CHN1: variants seen among roughly 807,000 people sequenced by gnomAD.
CHN1 encodes chimerin 1.
A neutral mutation model predicts 59.5 loss-of-function variants in CHN1; 37 were observed. The ratio of observed to expected loss-of-function variants is 0.62; its 90% CI spans 0.48 to 0.82. The LOEUF (loss-of-function observed/expected upper bound fraction) is 0.82. CHN1 is among the 40% of genes least tolerant of loss of function. The probability of loss-of-function intolerance (pLI) is 0.00; values close to 1 mark genes in which losing one functional copy is unlikely to be tolerated. For synonymous variants in CHN1, 206 were observed against 200.4 expected (o/e 1.03, Z -0.24); for missense variants, 469 against 571.0 (o/e 0.82, Z 1.82).
At chr2:174,892,786 C>T (rs973399049) in intron 5 of CHN1, among the ~76,000 whole-genome samples, 6 of 152,040 alleles carry the variant, frequency 3.9e-5, no homozygotes, top group African/African-American at 9.7e-5. Context: ...AAATTTACCC[C>T]GGGGATGCAA....
intron 9 of CHN1, chr2:174,812,030 A>T (rs1685094039): frequency 3.1e-6 from 1 of 319,544 alleles, no homozygotes; most frequent in Non-Finnish European, 5.6e-6. Flanking sequence ...TGAAAAATGA[A>T]TTTGTCTTTA....
Position 174,896,080 on chromosome 2 carries a change from G to A in CHN1, c.261-17952C>T, listed in dbSNP as rs545332659. Among the ~76,000 whole-genome samples the A allele has an allele frequency of 2.6e-5, 4 of 151,406 alleles. No individual in the cohort carries two copies. The East Asian group carries it at 7.7e-4, about 29-fold the overall frequency. On this transcript the variant is annotated intron_variant, in intron 5 of 12. Transcript: ENST00000409900. Reference sequence around the variant, plus strand: ...GGGCTTCAATTTTTTTAAATTATAGGAGTTGGAAAATGAGAAGTCACAAAG... The same window carrying A: ...GGGCTTCAATTTTTTTAAATTATAGAAGTTGGAAAATGAGAAGTCACAAAG...
At chr2:174,967,106 A>AG (rs1258756859) in intron 1 of CHN1, among the ~76,000 whole-genome samples, 1 of 152,108 alleles carries the variant, frequency 6.6e-6, no homozygotes, top group Non-Finnish European at 1.5e-5. Context: ...GCACTTTGGG[A>AG]GGCTGAGGCA....
At chr2:174,941,030 A>T (rs1392124364) in intron 3 of CHN1, among the ~76,000 whole-genome samples, 2 of 152,094 alleles carry the variant, frequency 1.3e-5, no homozygotes, top group Non-Finnish European at 2.9e-5. Flanking sequence ...AGTTTTTTTT[A>T]ATTTTAAAGT....
intron 11 of CHN1, among the ~76,000 whole-genome samples, chr2:174,805,293 G>GA (rs1448977582): frequency 6.6e-6 from 1 of 152,214 alleles, no homozygotes; most frequent in Non-Finnish European, 1.5e-5. Flanking sequence ...ATTTCAAAAA[G>GA]AATGTTTTAT....
intron 4 of CHN1, among the ~76,000 whole-genome samples, chr2:174,917,590 A>T (rs1230170057): frequency 6.6e-6 from 1 of 152,150 alleles, no homozygotes; most frequent in African/African-American, 2.4e-5. Flanking sequence ...GAGATGTTTC[A>T]TATGATATGG....
intron 8 of CHN1, among the ~76,000 whole-genome samples, chr2:174,814,667 ATGT>A (rs1041445670): frequency 6.6e-5 from 10 of 152,190 alleles, no homozygotes; most frequent in Admixed American, 2.0e-4. Flanking sequence ...CACCATGACT[ATGT>A]TGTTGTTATT....
chr2:174,845,212 A>G (rs984577394), intron 7 of CHN1, among the ~76,000 whole-genome samples: 1 of 152,196 alleles, frequency 6.6e-6, no homozygotes, highest in Non-Finnish European at 1.5e-5. Context: ...TAGCACTCAA[A>G]TGGCATTCTT....
At chr2:174,962,052 C>G (rs1201260479) in intron 1 of CHN1, among the ~76,000 whole-genome samples, 2 of 151,934 alleles carry the variant, frequency 1.3e-5, no homozygotes, top group African/African-American at 4.8e-5. Context: ...TTTGTTAGGC[C>G]GAGGCAGACA....
chr2:174,985,088 A>T (rs369768743), intron 1 of CHN1, among the ~76,000 whole-genome samples: 13 of 152,308 alleles, frequency 8.5e-5, no homozygotes, highest in Non-Finnish European at 1.8e-4. Context: ...TTTTATGATG[A>T]GGCTGAGAAA....
intron 5 of CHN1, among the ~76,000 whole-genome samples, chr2:174,908,712 T>G (rs148734858): frequency 6.6e-6 from 1 of 152,188 alleles, no homozygotes; most frequent in Non-Finnish European, 1.5e-5. Flanking sequence ...TCTGGCACGA[T>G]ATAGAAGCTC....
chr2:174,822,713 C>T lies in CHN1; in HGVS notation c.712+1721G>A, dbSNP rs1298035912. Reference sequence around the variant, plus strand: ...TTTGTGAAACTGCAATGCACACTGCCTCAATACCTCCACTTTATCAACACT... The same window carrying T: ...TTTGTGAAACTGCAATGCACACTGCTTCAATACCTCCACTTTATCAACACT... On this transcript the variant is annotated intron_variant, in intron 8 of 12. Transcript: ENST00000409900. 4.6e-5 allele frequency among the ~76,000 whole-genome samples: 7 copies of T among 152,298 alleles called. No homozygotes were observed. In the South Asian group the frequency reaches 1.4e-3, roughly 32 times the overall value.
chr2:174,872,237 T>C (rs1394292694), intron 6 of CHN1, among the ~76,000 whole-genome samples: 1 of 152,180 alleles, frequency 6.6e-6, no homozygotes, highest in African/African-American at 2.4e-5. Context: ...TGAGCCATGT[T>C]TGCATCAATG....
rs549311747 is a variant in CHN1 at position 174,927,918 on chromosome 2, T to C, written c.115-9353A>G. ...TGACTACACTGGCAAAATAGTACTT[T>C]TTTTTCAGGTAACAGTCTAGAGAAT... is the stretch of plus-strand genomic sequence containing the variant. On this transcript the variant is annotated intron_variant, in intron 3 of 12. Coordinates refer to ENST00000409900, the MANE Select transcript of CHN1 (RefSeq NM_001822.7). Among the ~76,000 whole-genome samples, 10 of 152,296 alleles carry C rather than the reference T, an allele frequency of 6.6e-5. 1 individual carries two copies. In the South Asian group the frequency reaches 2.1e-3, roughly 32 times the overall value.
At chr2:174,926,731 T>C (rs897523816) in intron 3 of CHN1, among the ~76,000 whole-genome samples, 1 of 152,050 alleles carries the variant, frequency 6.6e-6, no homozygotes, top group African/African-American at 2.4e-5. Context: ...GACTCAAGAA[T>C]GCAACCATTT....
intron 3 of CHN1, among the ~76,000 whole-genome samples, chr2:174,942,653 T>C (rs912883401): frequency 7.2e-5 from 11 of 152,228 alleles, no homozygotes; most frequent in Non-Finnish European, 1.6e-4. Flanking sequence ...ATGGATATGC[T>C]AATTACCCTC....
At chr2:174,912,311 G>T (rs1688727982) in intron 5 of CHN1, among the ~76,000 whole-genome samples, 1 of 152,102 alleles carries the variant, frequency 6.6e-6, no homozygotes, top group South Asian at 2.1e-4. Flanking sequence ...GATGAATAGT[G>T]CCAGGCCTTA....
In CHN1 at chr2:174,824,500, G is replaced by T; in HGVS notation, c.646C>A (p.Pro216Thr). 2 of 1,601,704 alleles carry T rather than the reference G, an allele frequency of 1.2e-6. No individual in the cohort carries two copies. Among genetic ancestry groups the T allele is most frequent in the Non-Finnish European group, 1.7e-6 (2 of 1,174,574 alleles). ...TTGGCACAGTATTCACACCAGTGTG[G>T]CCCTCTGAATGTATGCACCTGAAAA... ...HNFKVHTFRGPHWCEYCANFM... is the reference protein window; with the variant it reads ...HNFKVHTFRGTHWCEYCANFM... The change falls in exon 8 of 13, where the codon CCA becomes ACA. Residue 216 changes from proline (P) to threonine (T), a missense_variant. Transcript: ENST00000409900.
At chr2:174,927,372 A>G (rs549150187) in intron 3 of CHN1, among the ~76,000 whole-genome samples, 2 of 152,306 alleles carry the variant, frequency 1.3e-5, no homozygotes, top group South Asian at 4.1e-4. Flanking sequence ...TTCCTCATAC[A>G]TAAACATTTT....
Sources: gnomAD v4.1 joint callset for allele counts (sites outside exome capture counted in the v4.1 genomes callset) on GRCh38, gnomAD v4.1.1 for gene constraint, MANE v1.5 for transcripts, NCBI Gene and HGNC (gene_info 2026-07-23, HGNC 2026-07-21) for gene names.